The following EVI2A variants were observed in gnomAD, a reference collection of about 807,000 sequenced individuals.
EVI2A encodes the protein ecotropic viral integration site 2A.
In EVI2A, 11 loss-of-function variants were observed where a neutral mutation model predicts 13.0. The ratio of observed to expected loss-of-function variants is 0.85; its 90% CI spans 0.53 to 1.40. EVI2A has a LOEUF of 1.40. Among genes scored for constraint, EVI2A ranks in the 40% most tolerant of loss-of-function variants. The probability of loss-of-function intolerance (pLI) is 0.00; values close to 1 mark genes in which losing one functional copy is unlikely to be tolerated. For missense variants in EVI2A, 267 were observed against 279.5 expected (o/e 0.96, Z 0.32); for synonymous variants, 89 against 98.0 (o/e 0.91, Z 0.54).
rs1404249466 is a variant in EVI2A, at chr17:31,318,289, T to G, written c.*14A>C. On this transcript the variant is annotated 3_prime_UTR_variant, in exon 2 of 2. Transcript: ENST00000462804. ...TCCATAAGCCTTCTCATTGCTACTT[T>G]GCATTTTTCTTCACTAACCTATCTG... 1.3e-6 allele frequency: 2 copies of G among 1,588,462 alleles called. No individual in the cohort carries two copies. Among genetic ancestry groups the G allele is most frequent in the East Asian group, 2.2e-5 (1 of 44,730 alleles).
intron 1 of EVI2A, chr17:31,320,480 T>C: frequency 6.5e-7 from 1 of 1,528,748 alleles, no homozygotes; most frequent in Non-Finnish European, 9.0e-7. Context: ...TTATAAGAAA[T>C]GGTTGTTATA....
At chr17:31,319,211 A>G (rs2069113612) in intron 1 of EVI2A, among the ~76,000 whole-genome samples, 188 bp from the exon 2 acceptor site, 1 of 152,202 alleles carries the variant, frequency 6.6e-6, no homozygotes, top group South Asian at 2.1e-4. Context: ...GAAGCATTTT[A>G]ATTTCTATTA....
Position 31,317,411 on chromosome 17 carries a change from T to A in EVI2A, c.*892A>T, listed in dbSNP as rs1175957993. 2.1e-5 allele frequency: 3 copies of A among 139,944 alleles called. No homozygotes were observed. The highest frequency in any genetic ancestry group is 3.2e-5 in the Non-Finnish European group (2 of 62,568). The allele number at this position is 139,944 out of a possible 1,614,324, so 8.7% of individuals were successfully genotyped here. A position where few individuals can be genotyped will look rare whatever the true frequency, so the allele number is the denominator to read the frequency against. ...CACACACACACACACACACCCCTAATAAATCATTAGGCTACTTGGCATCCT... is the reference window on the plus strand; with the variant it reads ...CACACACACACACACACACCCCTAAAAAATCATTAGGCTACTTGGCATCCT... On this transcript the variant is annotated 3_prime_UTR_variant, in exon 2 of 2. Coordinates refer to ENST00000462804, the MANE Select transcript of EVI2A (RefSeq NM_014210.4).
Sources: gnomAD v4.1 joint callset for allele counts (sites outside exome capture counted in the v4.1 genomes callset) on GRCh38, gnomAD v4.1.1 for gene constraint, MANE v1.5 for transcripts, NCBI Gene and HGNC (gene_info 2026-07-23, HGNC 2026-07-21) for gene names.